Variants in ARHGAP28 observed in about 807,000 individuals in gnomAD.
ARHGAP28 encodes Rho GTPase activating protein 28, also known as rho GTPase-activating protein 28.
Under a neutral mutation model 90.7 loss-of-function variants are expected in ARHGAP28, and 56 were observed. The observed-to-expected ratio is 0.62, with a 90% CI of 0.50 to 0.77. ARHGAP28 has a LOEUF of 0.77. Ranked by LOEUF, ARHGAP28 falls within the 30% of genes least tolerant of loss-of-function variation. ARHGAP28 has a pLI of 0.00. For synonymous variants in ARHGAP28, 308 were observed against 323.3 expected (o/e 0.95, Z 0.51); for missense variants, 869 against 900.9 (o/e 0.96, Z 0.45).
intron 14 of ARHGAP28, among the ~76,000 whole-genome samples, chr18:6,891,715 G>C (rs547300658): frequency 6.6e-6 from 1 of 152,244 alleles, no homozygotes; most frequent in Non-Finnish European, 1.5e-5. Flanking sequence ...AGCCTCTCCA[G>C]TAGCTAGGAC....
At chr18:6,788,202 G>A (rs972995246) in intron 1 of ARHGAP28, among the ~76,000 whole-genome samples, 1 of 151,776 alleles carries the variant, frequency 6.6e-6, no homozygotes, top group Non-Finnish European at 1.5e-5. Flanking sequence ...GTGAGTTCTC[G>A]GGAGATCTGG....
chr18:6,856,826 A>C (rs2056957652), intron 4 of ARHGAP28, among the ~76,000 whole-genome samples: 1 of 152,184 alleles, frequency 6.6e-6, no homozygotes. Context: ...CTAACACCTT[A>C]GCTTGGTTTC....
At position 6,859,687 on chromosome 18, in the gene ARHGAP28, A is replaced by G; in HGVS notation, c.637-121A>G. The G allele has an allele frequency of 6.1e-6, 6 of 976,230 alleles. 1 individual carries two copies. The highest frequency in any genetic ancestry group is 4.7e-6 in the Non-Finnish European group (3 of 636,102). 60.5% of individuals were successfully genotyped at this position (976,230 alleles called of 1,614,324 possible). The stretch of plus-strand genomic sequence containing the variant: ...ACCAGTTGGATGCAATTGTCCATGC[A>G]CAGGCAGTCATAATTGCATATATTG... On this transcript the variant is annotated intron_variant, in intron 4 of 17. Transcript: ENST00000383472.
chr18:6,836,007 C>T (rs1057125526), intron 2 of ARHGAP28: 2 of 152,166 alleles, frequency 1.3e-5, no homozygotes, highest in African/African-American at 4.8e-5. Flanking sequence ...GATTTGGTCA[C>T]TGATGTTTGC....
chr18:6,757,146 G>A (rs1403256043), intron 1 of ARHGAP28, among the ~76,000 whole-genome samples: 13 of 152,090 alleles, frequency 8.5e-5, no homozygotes, highest in Non-Finnish European at 2.9e-5. Flanking sequence ...CTTTCTAACC[G>A]TTTGCAAAGA....
chr18:6,799,486 A>T (rs986687826), intron 1 of ARHGAP28, among the ~76,000 whole-genome samples: 4 of 152,246 alleles, frequency 2.6e-5, no homozygotes, highest in African/African-American at 7.2e-5. Context: ...ACTTCAAACT[A>T]TAAGGCTACA....
At chr18:6,805,619 G>T (rs1372735593) in intron 1 of ARHGAP28, among the ~76,000 whole-genome samples, 1 of 150,642 alleles carries the variant, frequency 6.6e-6, no homozygotes, top group Non-Finnish European at 1.5e-5. Flanking sequence ...CTGAGTAGCT[G>T]AGATTACAGG....
At chr18:6,773,184 T>C (rs1169929119) in intron 1 of ARHGAP28, among the ~76,000 whole-genome samples, 1 of 152,234 alleles carries the variant, frequency 6.6e-6, no homozygotes, top group African/African-American at 2.4e-5. Context: ...TGTATGTTAA[T>C]GTATGCCAGG....
chr18:6,795,388 T>A (rs2056434707), intron 1 of ARHGAP28, among the ~76,000 whole-genome samples: 1 of 152,022 alleles, frequency 6.6e-6, no homozygotes, highest in African/African-American at 2.4e-5. Context: ...TGTGTTCCCC[T>A]AGGCTGGGGA....
chr18:6,873,609 A>C (rs1295991807), intron 8 of ARHGAP28, 35 bp downstream of exon 8: 9 of 1,609,594 alleles, frequency 5.6e-6, no homozygotes, highest in Non-Finnish European at 3.4e-6. Flanking sequence ...TGGCTTTAAC[A>C]CTTTGACACA....
chr18:6,846,742 A>C (rs1373514854), intron 3 of ARHGAP28, among the ~76,000 whole-genome samples: 1 of 151,940 alleles, frequency 6.6e-6, no homozygotes, highest in African/African-American at 2.4e-5. Flanking sequence ...CTTTCCAAAA[A>C]ATGGGTTTCT....
rs1214056547 is a variant in ARHGAP28 at position 6,912,464 on chromosome 18, A to T, written c.*310A>T. 2 of 179,378 alleles carry T rather than the reference A, an allele frequency of 1.1e-5. No homozygotes were observed. The highest frequency in any genetic ancestry group is 2.3e-5 in the Non-Finnish European group (2 of 85,714). The allele number at this position is 179,378 out of a possible 1,614,324, so 11.1% of individuals were successfully genotyped here. On this transcript the variant is annotated 3_prime_UTR_variant, in exon 18 of 18. Transcript: ENST00000383472. ...TATTTCAACTTCCTAGCAGAAATGAACTTGGCCCTAGACCTAGGGATAAGC... is the reference window on the plus strand; with the variant it reads ...TATTTCAACTTCCTAGCAGAAATGATCTTGGCCCTAGACCTAGGGATAAGC...
intron 1 of ARHGAP28, among the ~76,000 whole-genome samples, chr18:6,758,557 C>T (rs1267268615): frequency 3.9e-5 from 6 of 152,276 alleles, no homozygotes; most frequent in Admixed American, 6.5e-5. Context: ...CTCCTGACCT[C>T]GGGTGATCCG....
intron 2 of ARHGAP28, among the ~76,000 whole-genome samples, chr18:6,826,615 G>A (rs1047401824): frequency 2.0e-5 from 3 of 148,660 alleles, no homozygotes; most frequent in East Asian, 2.0e-4. Context: ...GTATGAGCCT[G>A]CCCCAGCACA....
chr18:6,771,234 G>T (rs890506182), intron 1 of ARHGAP28, among the ~76,000 whole-genome samples: 5 of 151,788 alleles, frequency 3.3e-5, no homozygotes, highest in African/African-American at 9.7e-5. Flanking sequence ...GATGAGTGGG[G>T]TATCTCACTA....
chr18:6,780,438 G>A (rs536593984), intron 1 of ARHGAP28, among the ~76,000 whole-genome samples: 1 of 152,308 alleles, frequency 6.6e-6, no homozygotes, highest in South Asian at 2.1e-4. Flanking sequence ...TTGGGAGGAT[G>A]TGCTTAAGTT....
Position 6,818,375 on chromosome 18 carries a change from G to A in ARHGAP28, c.123-6387G>A, listed in dbSNP as rs547643487. On this transcript the variant is annotated intron_variant, in intron 1 of 17. Transcript: ENST00000383472. ...AGGAGGGAGAGCATTTGGACCAGAC[G>A]GGGAAAGGTTGAATTCCTGTCCTGG... Among the ~76,000 whole-genome samples the A allele has an allele frequency of 3.7e-4, 57 of 152,272 alleles. 1 individual carries two copies. The highest frequency in any genetic ancestry group is 2.4e-4 in the Non-Finnish European group (16 of 68,022).
intron 1 of ARHGAP28, among the ~76,000 whole-genome samples, chr18:6,780,539 C>G (rs2056316110): frequency 1.3e-5 from 2 of 152,082 alleles, no homozygotes; most frequent in South Asian, 4.2e-4. Context: ...ACCAATCCCC[C>G]TCAGATGCTG....
At chr18:6,827,523 C>T (rs1279152179) in intron 2 of ARHGAP28, among the ~76,000 whole-genome samples, 11 of 136,942 alleles carry the variant, frequency 8.0e-5, no homozygotes, top group East Asian at 2.4e-4. Context: ...CCGGACGGGG[C>T]GGCTGACCGG....
Sources: allele counts gnomAD v4.1 joint callset (sites outside exome capture counted in the v4.1 genomes callset), GRCh38; gene constraint gnomAD v4.1.1; transcripts MANE v1.5; gene names NCBI Gene and HGNC (gene_info 2026-07-23, HGNC 2026-07-21).